AGK: variants seen among roughly 807,000 people sequenced by gnomAD.
AGK encodes the protein acylglycerol kinase, mitochondrial.
Under a neutral mutation model 66.4 loss-of-function variants are expected in AGK, and 52 were observed. That is an observed-to-expected ratio of 0.78 (90% CI 0.63 to 0.99). The LOEUF (loss-of-function observed/expected upper bound fraction) is 0.99, where lower values mean the gene tolerates loss of function less well. AGK is among the 50% of genes least tolerant of loss of function. AGK has a pLI of 0.00. For missense variants in AGK, 451 were observed against 506.6 expected (o/e 0.89, Z 1.05); for synonymous variants, 182 against 181.1 (o/e 1.00, Z -0.04).
At chr7:141,607,223 C>T (rs1796482636) in intron 5 of AGK, among the ~76,000 whole-genome samples, 1 of 152,092 alleles carries the variant, frequency 6.6e-6, no homozygotes, top group South Asian at 2.1e-4. Flanking sequence ...TTGGTTTTAT[C>T]GGAAACTGCC....
intron 5 of AGK, among the ~76,000 whole-genome samples, chr7:141,606,600 G>C (rs983133142): frequency 1.3e-5 from 2 of 151,982 alleles, no homozygotes; most frequent in Non-Finnish European, 2.9e-5. Context: ...AACATCTTGC[G>C]TTAGTGTTAT....
intron 2 of AGK, among the ~76,000 whole-genome samples, chr7:141,579,752 T>C (rs2116894882): frequency 6.6e-6 from 1 of 152,082 alleles, no homozygotes; most frequent in East Asian, 1.9e-4. Flanking sequence ...GCTTATAACC[T>C]ACATGGAAGA....
chr7:141,602,493 A>G (rs1044264072), intron 5 of AGK, among the ~76,000 whole-genome samples: 1 of 152,086 alleles, frequency 6.6e-6, no homozygotes, highest in Non-Finnish European at 1.5e-5. Context: ...TGTTCATAAT[A>G]TCTTCTATTT....
intron 2 of AGK, among the ~76,000 whole-genome samples, chr7:141,572,376 A>G (rs1469674637): frequency 6.6e-6 from 1 of 152,246 alleles, no homozygotes; most frequent in Non-Finnish European, 1.5e-5. Flanking sequence ...GATAGTGTGA[A>G]TAATACATGA....
At chr7:141,573,190 A>T (rs1795650536) in intron 2 of AGK, among the ~76,000 whole-genome samples, 3 of 152,146 alleles carry the variant, frequency 2.0e-5, no homozygotes, top group Admixed American at 2.0e-4. Flanking sequence ...AATGGGTGCT[A>T]TTTAAAGAAG....
chr7:141,644,649 T>C (rs1012675519), intron 13 of AGK, among the ~76,000 whole-genome samples: 43 of 152,278 alleles, frequency 2.8e-4, no homozygotes, highest in African/African-American at 1.0e-3. Flanking sequence ...GTCATATCTA[T>C]TTTATATATG....
chr7:141,577,414 C>T (rs1051369225), intron 2 of AGK, among the ~76,000 whole-genome samples: 2 of 152,186 alleles, frequency 1.3e-5, no homozygotes, highest in Non-Finnish European at 2.9e-5. Flanking sequence ...TGACCTAGAA[C>T]CACCCCCCAG....
chr7:141,640,551 A>G (rs1021745450), intron 11 of AGK, among the ~76,000 whole-genome samples: 2 of 152,210 alleles, frequency 1.3e-5, no homozygotes, highest in Non-Finnish European at 2.9e-5. Flanking sequence ...ATTAGAGAGC[A>G]GGATCTCAGG....
intron 5 of AGK, among the ~76,000 whole-genome samples, chr7:141,602,033 C>CAT (rs34391291): frequency 0.061 from 9,274 of 152,040 alleles, 536 homozygotes; most frequent in South Asian, 0.14. Flanking sequence ...AGAAAACTAA[C>CAT]ATATTTGAGT....
At chr7:141,631,142 A>G (rs558671254) in intron 9 of AGK, among the ~76,000 whole-genome samples, 65 of 152,318 alleles carry the variant, frequency 4.3e-4, no homozygotes, top group African/African-American at 1.2e-3. Context: ...ATGATTAAAT[A>G]TAGTAATTTT....
intron 5 of AGK, among the ~76,000 whole-genome samples, chr7:141,603,366 G>T (rs1410751340): frequency 6.6e-6 from 1 of 151,918 alleles, no homozygotes; most frequent in African/African-American, 2.4e-5. Flanking sequence ...CTTACATTTC[G>T]ACCCTGTCAT....
At chr7:141,574,754 A>G (rs2116884326) in intron 2 of AGK, among the ~76,000 whole-genome samples, 1 of 152,354 alleles carries the variant, frequency 6.6e-6, no homozygotes, top group East Asian at 1.9e-4. Flanking sequence ...TGAAGTATTC[A>G]CAAGTAGTAG....
In AGK at chr7:141,649,307, C is replaced by T. The variant is rs769189627; in HGVS notation, c.1020C>T (p.Ile340=). The T allele has an allele frequency of 5.0e-6, 8 of 1,613,548 alleles. No homozygotes were observed. Among genetic ancestry groups the T allele is most frequent in the Middle Eastern group, 1.7e-4 (1 of 6,060 alleles). The change falls in exon 14 of 16, where the codon ATC becomes ATT. Residue 340 remains isoleucine, a synonymous_variant. Coordinates refer to ENST00000649286, the MANE Select transcript of AGK (RefSeq NM_018238.4). ...ATATCTGCATTGAACCTGACACCAT[C>T]AGCAAAGGAGACTTTATAACTATAG... is the stretch of plus-strand genomic sequence containing the variant. ...FLNICIEPDT[I]SKGDFITIGS...
intron 2 of AGK, among the ~76,000 whole-genome samples, chr7:141,580,881 C>T (rs1207554956): frequency 6.6e-6 from 1 of 151,902 alleles, no homozygotes; most frequent in Non-Finnish European, 1.5e-5. Context: ...GGAGCAGCTT[C>T]TAAAGCTGTC....
intron 9 of AGK, among the ~76,000 whole-genome samples, chr7:141,629,174 C>T (rs1027917793): frequency 7.9e-5 from 12 of 152,094 alleles, no homozygotes; most frequent in Admixed American, 6.6e-5. Context: ...TATCTAGGAT[C>T]CCTGAAATTT....
At chr7:141,637,127 C>A in intron 11 of AGK, 110 bp downstream of exon 11, 1 of 800,000 alleles carries the variant, frequency 1.3e-6, no homozygotes. Context: ...ATGTGGCATG[C>A]TTCAACACTA....
At chr7:141,558,591 G>A (rs1481744218) in intron 2 of AGK, among the ~76,000 whole-genome samples, 1 of 152,140 alleles carries the variant, frequency 6.6e-6, no homozygotes, top group Non-Finnish European at 1.5e-5. Flanking sequence ...ATTAACTTGA[G>A]TGTACAGATA....
At chr7:141,610,485 A>G (rs1796561713) in intron 5 of AGK, among the ~76,000 whole-genome samples, 1 of 152,216 alleles carries the variant, frequency 6.6e-6, no homozygotes, top group African/African-American at 2.4e-5. Context: ...CTATGTATGT[A>G]TCTGAAATCA....
intron 9 of AGK, among the ~76,000 whole-genome samples, chr7:141,622,798 GT>G (rs1796853778): frequency 1.3e-5 from 2 of 152,150 alleles, no homozygotes; most frequent in Non-Finnish European, 2.9e-5. Context: ...GCTCTTGCCT[GT>G]AATTCCAGCA....
Sources: gnomAD v4.1 joint callset for allele counts (sites outside exome capture counted in the v4.1 genomes callset) on GRCh38, gnomAD v4.1.1 for gene constraint, MANE v1.5 for transcripts, NCBI Gene and HGNC (gene_info 2026-07-23, HGNC 2026-07-21) for gene names.